The following MXRA7 variants were observed in gnomAD, a reference collection of about 807,000 sequenced individuals.
MXRA7 encodes the protein matrix-remodeling-associated protein 7.
In MXRA7, 18 loss-of-function variants were observed where a neutral mutation model predicts 17.4. The observed-to-expected ratio is 1.03, with a 90% CI of 0.71 to 1.53. MXRA7 has a LOEUF of 1.53. Ranked by LOEUF, MXRA7 falls within the 40% of genes most tolerant of loss-of-function variation. The pLI is 0.00. For synonymous variants in MXRA7, 70 were observed against 101.7 expected (o/e 0.69, Z 1.87); for missense variants, 141 against 209.3 (o/e 0.67, Z 2.01).
chr17:76,679,287 C>CAA (rs71158050), downstream of MXRA7, among the ~76,000 whole-genome samples: 3,689 of 121,566 alleles, frequency 0.03, 65 homozygotes, highest in Admixed American at 0.04. Flanking sequence ...GGCCCTGTCT[C>CAA]AAAAAAAAAA....
At chr17:76,683,856 T>C (rs749330065) in intron 3 of MXRA7, 2 of 1,613,512 alleles carry the variant, frequency 1.2e-6, no homozygotes, top group East Asian at 2.2e-5. Flanking sequence ...CCAAAAGGAT[T>C]TGCAAGAATA....
intron 1 of MXRA7, among the ~76,000 whole-genome samples, chr17:76,702,755 G>A (rs780518502): frequency 3.0e-4 from 45 of 151,514 alleles, no homozygotes; most frequent in Non-Finnish European, 6.5e-4. Flanking sequence ...GGGAGCCTGA[G>A]GCAAGAGAAT....
At chr17:76,679,514 G>T, downstream of MXRA7, 1 of 796,476 alleles carries the variant, frequency 1.3e-6, no homozygotes, top group Non-Finnish European at 1.5e-6. Context: ...AAACTTCAAT[G>T]GGTTCAAAAG....
At chr17:76,693,922 A>T (rs1287821103) in intron 1 of MXRA7, among the ~76,000 whole-genome samples, 1 of 152,222 alleles carries the variant, frequency 6.6e-6, no homozygotes, top group Non-Finnish European at 1.5e-5. Flanking sequence ...GTAATTTAAA[A>T]TTTCTTTCTT....
chr17:76,698,051 C>T (rs2076551792), intron 1 of MXRA7, among the ~76,000 whole-genome samples: 2 of 152,180 alleles, frequency 1.3e-5, no homozygotes, highest in African/African-American at 4.8e-5. Flanking sequence ...CAAAGAAGGT[C>T]TCTTGTGGCC....
chr17:76,705,989 G>C (rs1299637897), intron 1 of MXRA7, among the ~76,000 whole-genome samples: 1 of 152,152 alleles, frequency 6.6e-6, no homozygotes, highest in East Asian at 1.9e-4. Context: ...CCATCACAAA[G>C]GCCCACACTG....
chr17:76,692,217 AG>A (rs200502850), intron 1 of MXRA7, among the ~76,000 whole-genome samples: 115 of 148,252 alleles, frequency 7.8e-4, no homozygotes, highest in African/African-American at 9.3e-4. Flanking sequence ...TGTCACCAAA[AG>A]AAAAAAAAAA....
chr17:76,686,520 C>T (rs720782), intron 2 of MXRA7, among the ~76,000 whole-genome samples: 53,477 of 151,946 alleles, frequency 0.35, 10,567 homozygotes, highest in Middle Eastern at 0.5. Context: ...AAAATCCTGC[C>T]TTGGTCCCAG....
chr17:76,684,336 C>T (rs2143591998), intron 3 of MXRA7, among the ~76,000 whole-genome samples: 1 of 152,262 alleles, frequency 6.6e-6, no homozygotes, highest in Middle Eastern at 3.4e-3. Context: ...ACCTAGACTT[C>T]TGCTTTAACC....
intron 1 of MXRA7, chr17:76,688,584 A>G: frequency 1.6e-6 from 2 of 1,255,112 alleles, no homozygotes; most frequent in Non-Finnish European, 2.0e-6. Context: ...CAGCATGGCC[A>G]TCGCAGCCTC....
downstream of MXRA7, among the ~76,000 whole-genome samples, chr17:76,678,283 A>T (rs1273445174): frequency 6.6e-6 from 1 of 152,198 alleles, no homozygotes; most frequent in Non-Finnish European, 1.5e-5. Context: ...AAGATACCCT[A>T]TGGCAGGTGG....
chr17:76,708,673 G>T (rs2076688253), intron 1 of MXRA7, among the ~76,000 whole-genome samples: 1 of 152,132 alleles, frequency 6.6e-6, no homozygotes, highest in Non-Finnish European at 1.5e-5. Context: ...GCCACCACTG[G>T]GAGTGGGTGG....
intron 1 of MXRA7, among the ~76,000 whole-genome samples, chr17:76,702,001 C>A (rs1033149756): frequency 7.2e-5 from 11 of 152,326 alleles, no homozygotes; most frequent in African/African-American, 2.4e-4. Context: ...ACAAAACACT[C>A]TTGGGCAGCA....
intron 1 of MXRA7, among the ~76,000 whole-genome samples, chr17:76,704,346 C>A (rs77456192): frequency 0.46 from 67,670 of 148,346 alleles, 15,494 homozygotes; most frequent in Admixed American, 0.48. Flanking sequence ...GCTGGGACTA[C>A]AGGTGCCCGC....
rs547325532 is a variant in MXRA7 at position 76,688,066 on chromosome 17, C to T, written c.406+47G>A. The T allele has an allele frequency of 6.3e-6, 10 of 1,597,784 alleles. No homozygotes were observed. The South Asian group carries it at 1.1e-4, about 18-fold the overall frequency. ...GTGATCCCCAGCAGGACACAGACCA[C>T]CCCCGACACTGTCAGGCCCCCTCAT... On this transcript the variant is annotated intron_variant, in intron 2 of 3. Coordinates refer to ENST00000449428, the MANE Select transcript of MXRA7 (RefSeq NM_198530.4).
At chr17:76,709,011 C>T (rs1390897715) in intron 1 of MXRA7, among the ~76,000 whole-genome samples, 2 of 152,140 alleles carry the variant, frequency 1.3e-5, no homozygotes, top group Non-Finnish European at 2.9e-5. Context: ...ATGCGAGTGG[C>T]CCTATTTAAA....
intron 1 of MXRA7, among the ~76,000 whole-genome samples, chr17:76,695,353 GGTGT>G (rs71158054): frequency 1.6e-4 from 24 of 148,100 alleles, no homozygotes; most frequent in African/African-American, 5.2e-4. Context: ...TTTAGCTTCA[GGTGT>G]GTGTGTGTGT....
intron 1 of MXRA7, among the ~76,000 whole-genome samples, chr17:76,704,738 T>C (rs1306134419): frequency 1.3e-5 from 2 of 148,386 alleles, no homozygotes; most frequent in East Asian, 2.0e-4. Flanking sequence ...TGAGCTGAGA[T>C]TGCGCCACTG....
intron 3 of MXRA7, among the ~76,000 whole-genome samples, chr17:76,682,609 C>T (rs1374587710): frequency 6.6e-6 from 1 of 152,066 alleles, no homozygotes; most frequent in Non-Finnish European, 1.5e-5. Flanking sequence ...GTGAGGACAG[C>T]GTGATGTGGA....
Sources: gnomAD v4.1 joint callset for allele counts (sites outside exome capture counted in the v4.1 genomes callset) on GRCh38, gnomAD v4.1.1 for gene constraint, MANE v1.5 for transcripts, NCBI Gene and HGNC (gene_info 2026-07-23, HGNC 2026-07-21) for gene names.